DENND3: variants seen among roughly 807,000 people sequenced by gnomAD.
The protein encoded by DENND3 is DENN domain-containing protein 3.
A neutral mutation model predicts 135.1 loss-of-function variants in DENND3; 88 were observed. That is an observed-to-expected ratio of 0.65 (90% CI 0.55 to 0.78). The LOEUF is 0.78. Among genes scored for constraint, DENND3 ranks in the 30% least tolerant of loss-of-function variants. The pLI, the probability that DENND3 is intolerant of heterozygous loss-of-function variation, is 0.00. For missense variants in DENND3, 1,392 were observed against 1,688.4 expected, an observed-to-expected ratio of 0.82 and a Z score of 3.08; for synonymous variants, 693 against 712.3, an observed-to-expected ratio of 0.97 and a Z score of 0.43.
chr8:141,138,594 C>T lies in DENND3; in HGVS notation c.501+457C>T, dbSNP rs900375199. On this transcript the variant is annotated intron_variant, in intron 3 of 22. Coordinates refer to ENST00000519811, the MANE Select transcript of DENND3 (RefSeq NM_001352890.3). The surrounding 1 kb of genome is among the most constrained non-coding windows in gnomAD (Gnocchi z 4.8). The stretch of plus-strand genomic sequence containing the variant: ...GGAGACGGGGTTTCACCATGTTGGC[C>T]GGGCTGGTTTCGAACTCCTGACCTC... Among the ~76,000 whole-genome samples, 4 of 152,094 alleles carry T rather than the reference C, an allele frequency of 2.6e-5. No individual in the cohort carries two copies. The highest frequency in any genetic ancestry group is 9.7e-5 in the African/African-American group (4 of 41,414).
chr8:141,190,530 A>G (rs1824582386), intron 20 of DENND3, 113 bp downstream of exon 20: 1 of 1,389,858 alleles, frequency 7.2e-7, no homozygotes, highest in Non-Finnish European at 9.3e-7. Flanking sequence ...TCCAGTCTTT[A>G]TTTTAAACTC....
intron 8 of DENND3, among the ~76,000 whole-genome samples, chr8:141,158,558 TG>T (rs907951959): frequency 2.0e-5 from 3 of 152,206 alleles, no homozygotes; most frequent in Admixed American, 6.5e-5. Context: ...CTAATCCCTG[TG>T]CCATGGGTGA....
Position 141,166,240 on chromosome 8 carries a change from C to T in DENND3, c.1604C>T (p.Ala535Val). The change falls in exon 12 of 23, where the codon GCC becomes GTC. Residue 535 changes from alanine (A) to valine (V), a missense_variant. By Grantham distance (64) the Ala-to-Val change is moderately conservative. Transcript: ENST00000519811. This position sits in a 1 kb window ranked among gnomAD's most constrained non-coding sequence, Gnocchi z 4.3. The part of the protein sequence containing the change: ...SPRRPTVEKR[A>V]SRKSSHLHVT... ...AGGAGACCGACCGTTGAGAAAAGAG[C>T]CTCCCGGAAGTCCTCGCACCTGCAT... 1 of 1,614,164 alleles carries T rather than the reference C, an allele frequency of 6.2e-7. No individual in the cohort carries two copies. Among genetic ancestry groups the T allele is most frequent in the Non-Finnish European group, 8.5e-7 (1 of 1,180,042 alleles).
chr8:141,193,896 C>T, intron 22 of DENND3, 137 bp from the exon 23 acceptor site: 2 of 996,048 alleles, frequency 2.0e-6, no homozygotes, highest in Non-Finnish European at 3.0e-6. Flanking sequence ...GGCCCTGACC[C>T]TCAGGCGGCA....
chr8:141,153,700 C>G (rs1013539477), intron 7 of DENND3, among the ~76,000 whole-genome samples: 9 of 152,320 alleles, frequency 5.9e-5, no homozygotes, highest in African/African-American at 2.2e-4. Flanking sequence ...GTGGAAGGAA[C>G]GGAAAAGCGT....
chr8:141,166,093 T>C lies in DENND3; in HGVS notation c.1554-97T>C, dbSNP rs1049312254. On this transcript the variant is annotated intron_variant, in intron 11 of 22. Coordinates refer to ENST00000519811, the MANE Select transcript of DENND3 (RefSeq NM_001352890.3). The surrounding 1 kb of genome is among the most constrained non-coding windows in gnomAD (Gnocchi z 4.3). ...TTTCCACTGGTGTCCAAGAGTGTCA[T>C]GTGCTCTTCATCACACTGGGAAAAA... 5 of 1,214,704 alleles carry C rather than the reference T, an allele frequency of 4.1e-6. No homozygotes were observed. In the Admixed American group the frequency reaches 5.5e-5, roughly 13 times the overall value. 75.2% of individuals were successfully genotyped at this position (1,214,704 alleles called of 1,614,324 possible).
Position 141,163,410 on chromosome 8 carries a change from A to AC in DENND3, c.1432dup (p.His478ProfsTer5). 1 of 1,612,472 alleles carries AC rather than the reference A, an allele frequency of 6.2e-7. No homozygotes were observed. Among genetic ancestry groups the AC allele is most frequent in the Non-Finnish European group, 8.5e-7 (1 of 1,178,646 alleles). The stretch of plus-strand genomic sequence containing the variant: ...TTTCTCAAAACCAGGGCTCCAGGGG[A>AC]CCATCAGTTTTATAAGCAGGTGAGA... On this transcript the variant is annotated frameshift_variant, in exon 10 of 23. Transcript: ENST00000519811. LOFTEE classifies it high-confidence loss of function.
chr8:141,158,493 C>T (rs1409964373), intron 8 of DENND3, among the ~76,000 whole-genome samples: 1 of 152,178 alleles, frequency 6.6e-6, no homozygotes, highest in Non-Finnish European at 1.5e-5. Flanking sequence ...AATGGGGATG[C>T]AGGATGTCGT....
rs1291392799 is a variant in DENND3 at position 141,138,744 on chromosome 8, C to T, written c.501+607C>T. ...TCTGGACACTTCGTGTAAGTGGACT[C>T]ATACAGCATGTGGCCTGCTTGTCTG... On this transcript the variant is annotated intron_variant, in intron 3 of 22. Coordinates refer to ENST00000519811, the MANE Select transcript of DENND3 (RefSeq NM_001352890.3). The surrounding 1 kb of genome is among the most constrained non-coding windows in gnomAD (Gnocchi z 4.8). 6.6e-6 allele frequency among the ~76,000 whole-genome samples: 1 copy of T among 152,208 alleles called. No individual in the cohort carries two copies. Among genetic ancestry groups the T allele is most frequent in the Admixed American group, 6.5e-5 (1 of 15,284 alleles).
rs1446727169 is a variant in DENND3, at chr8:141,168,359, G to T, written c.2109G>T (p.Glu703Asp). The T allele has an allele frequency of 1.2e-6, 2 of 1,613,804 alleles. No homozygotes were observed. Among genetic ancestry groups the T allele is most frequent in the African/African-American group, 2.7e-5 (2 of 74,926 alleles). The change falls in exon 13 of 23, where the codon GAG (glutamate) becomes GAT (aspartate). Residue 703 changes from glutamate (E) to aspartate (D), a missense_variant. By Grantham distance (45) the Glu-to-Asp change is conservative (BLOSUM62 2). Coordinates refer to ENST00000519811, the MANE Select transcript of DENND3 (RefSeq NM_001352890.3). The surrounding 1 kb of genome is among the most constrained non-coding windows in gnomAD (Gnocchi z 6.2). ...QAPELMRLIS[E>D]ILDKPHEASK... is the part of the protein sequence containing the mutation. The stretch of plus-strand genomic sequence containing the variant: ...CGGAGCTGATGAGGCTCATCAGCGA[G>T]ATCCTGGACAAGCCGCACGAGGCCT...
chr8:141,157,406 G>C (rs907428974), intron 8 of DENND3: 7 of 985,314 alleles, frequency 7.1e-6, no homozygotes, highest in Non-Finnish European at 8.4e-6. Context: ...TTTATAAAAT[G>C]ATAGCAGGAG....
intron 8 of DENND3, among the ~76,000 whole-genome samples, chr8:141,159,654 T>C (rs1455260495): frequency 6.6e-6 from 1 of 152,256 alleles, no homozygotes. Context: ...CAGATCAGTG[T>C]ATGGCATACA....
chr8:141,160,955 A>G (rs1162363687), intron 9 of DENND3, among the ~76,000 whole-genome samples, 168 bp downstream of exon 9: 1 of 152,226 alleles, frequency 6.6e-6, no homozygotes, highest in Non-Finnish European at 1.5e-5. Flanking sequence ...TGTAACAATC[A>G]GCAGTTACAG....
intron 19 of DENND3, 92 bp downstream of exon 19, chr8:141,189,238 G>A: frequency 6.6e-7 from 1 of 1,523,262 alleles, no homozygotes; most frequent in Non-Finnish European, 9.0e-7. Flanking sequence ...TGTGCCCACA[G>A]GGGCCAGGCG....
rs1193353580 is a variant in DENND3, at chr8:141,166,933, C to T, written c.1753+544C>T. On this transcript the variant is annotated intron_variant, in intron 12 of 22. Coordinates refer to ENST00000519811, the MANE Select transcript of DENND3 (RefSeq NM_001352890.3). This position sits in a 1 kb window ranked among gnomAD's most constrained non-coding sequence, Gnocchi z 4.3. ...CTCGCGCCTTCTTGGGGAGGTACGTCCTGTCCCTAGTGAATGGGAGAAACT... is the reference window on the plus strand; with the variant it reads ...CTCGCGCCTTCTTGGGGAGGTACGTTCTGTCCCTAGTGAATGGGAGAAACT... Among the ~76,000 whole-genome samples, 1 of 151,610 alleles carries T rather than the reference C, an allele frequency of 6.6e-6. No homozygotes were observed. Among genetic ancestry groups the T allele is most frequent in the Non-Finnish European group, 1.5e-5 (1 of 68,032 alleles).
intron 5 of DENND3, 123 bp from the exon 6 acceptor site, chr8:141,150,711 G>T: frequency 6.4e-6 from 8 of 1,254,190 alleles, no homozygotes; most frequent in Non-Finnish European, 8.6e-6. Context: ...TAACGTGGCA[G>T]CCTGTGTCTT....
rs538876459 is a variant in DENND3 at position 141,191,446 on chromosome 8, G to C, written c.3380-885G>C. 2.6e-5 allele frequency: 4 copies of C among 152,350 alleles called. No individual in the cohort carries two copies. In the Middle Eastern group the frequency reaches 0.014, roughly 518 times the overall value. 9.4% of individuals were successfully genotyped at this position (152,350 alleles called of 1,614,324 possible). ...CTTCCCCTGCCCCAAGTGGGCACTG[G>C]GTTCACTCTGCTTAACTGTTTGAAA... On this transcript the variant is annotated intron_variant, in intron 20 of 22. Transcript: ENST00000519811.
chr8:141,160,880 C>T, intron 9 of DENND3, 93 bp downstream of exon 9: 1 of 1,463,076 alleles, frequency 6.8e-7, no homozygotes, highest in Non-Finnish European at 9.2e-7. Flanking sequence ...GAGGGCAGGC[C>T]ATTAGTACCA....
At position 141,136,728 on chromosome 8, in the gene DENND3, C is replaced by A. The variant is rs1390686795; in HGVS notation, c.322C>A (p.Pro108Thr). The A allele has an allele frequency of 1.2e-6, 2 of 1,609,394 alleles. No homozygotes were observed. Among genetic ancestry groups the A allele is most frequent in the African/African-American group, 2.7e-5 (2 of 74,868 alleles). ...GLPGPPRAPE[P>T]EDVAVPGGVD... ...CCCGGGGCCCCCCAGAGCGCCAGAG[C>A]CTGAGGATGTCGCCGTCCCGGGCGG... The change falls in exon 2 of 23, where the codon CCT becomes ACT. Residue 108 changes from proline (P) to threonine (T), a missense_variant. By Grantham distance (38) the Pro-to-Thr change is conservative (BLOSUM62 -1). Coordinates refer to ENST00000519811, the MANE Select transcript of DENND3 (RefSeq NM_001352890.3).
Sources: gnomAD v4.1 joint callset for allele counts (sites outside exome capture counted in the v4.1 genomes callset) on GRCh38, gnomAD v4.1.1 for gene constraint, Gnocchi (gnomAD v3.1) non-coding constraint, MANE v1.5 for transcripts, NCBI Gene and HGNC (gene_info 2026-07-23, HGNC 2026-07-21) for gene names.